The following LUZP2 variants were observed in gnomAD, a reference collection of about 807,000 sequenced individuals.
LUZP2 encodes the protein leucine zipper protein 2.
A neutral mutation model predicts 51.6 loss-of-function variants in LUZP2; 52 were observed. The observed-to-expected ratio is 1.01, with a 90% CI of 0.81 to 1.27. LUZP2 has a LOEUF of 1.27. Among genes scored for constraint, LUZP2 ranks in the 50% most tolerant of loss-of-function variants. The pLI, the probability that LUZP2 is intolerant of heterozygous loss-of-function variation, is 0.00. For missense variants in LUZP2, 436 were observed against 395.4 expected (o/e 1.10, Z -0.87); for synonymous variants, 154 against 137.3 (o/e 1.12, Z -0.85).
At chr11:24,830,874 G>A (rs1204429793) in intron 5 of LUZP2, among the ~76,000 whole-genome samples, 2 of 151,920 alleles carry the variant, frequency 1.3e-5, no homozygotes, top group Admixed American at 1.3e-4. Flanking sequence ...GGCGCCTATA[G>A]TCCCAGCTAC....
At chr11:24,884,929 G>A (rs1428436532) in intron 5 of LUZP2, among the ~76,000 whole-genome samples, 1 of 152,046 alleles carries the variant, frequency 6.6e-6, no homozygotes, top group Middle Eastern at 3.4e-3. Context: ...TTGATTTTAG[G>A]GTGATTGCTA....
intron 5 of LUZP2, among the ~76,000 whole-genome samples, chr11:24,794,630 T>C (rs180906121): frequency 6.6e-6 from 1 of 152,282 alleles, no homozygotes; most frequent in East Asian, 1.9e-4. Flanking sequence ...AAATTGGTTA[T>C]GGATTAAAAT....
intron 7 of LUZP2, among the ~76,000 whole-genome samples, chr11:24,930,002 C>G (rs75555490): frequency 0.012 from 1,773 of 152,228 alleles, 40 homozygotes; most frequent in African/African-American, 0.039. Flanking sequence ...CGACTTTTTT[C>G]ACTGCTGCTA....
Position 24,646,327 on chromosome 11 carries a change from AAG to A in LUZP2, c.63-82837_63-82836del, listed in dbSNP as rs559096475. Among the ~76,000 whole-genome samples the A allele has an allele frequency of 2.5e-3, 383 of 152,242 alleles. 2 individuals are homozygous for A. Among genetic ancestry groups the A allele is most frequent in the African/African-American group, 8.9e-3 (369 of 41,556 alleles). On this transcript the variant is annotated intron_variant, in intron 1 of 11. Transcript: ENST00000336930. Reference sequence around the variant, plus strand: ...ACAGTTTTATTATTGTTCAAAATATAAGAGAGTTTTAAATTTAATATCAAAGA... The same window carrying A: ...ACAGTTTTATTATTGTTCAAAATATAAGAGTTTTAAATTTAATATCAAAGA...
At chr11:24,979,004 T>C (rs1428630406) in intron 8 of LUZP2, among the ~76,000 whole-genome samples, 1 of 151,756 alleles carries the variant, frequency 6.6e-6, no homozygotes, top group African/African-American at 2.4e-5. Context: ...GATAGTCTAC[T>C]TATGTTCAAA....
chr11:24,937,885 G>A (rs7110765), intron 7 of LUZP2, among the ~76,000 whole-genome samples: 84,277 of 148,720 alleles, frequency 0.57, 24,752 homozygotes, highest in East Asian at 0.83. Context: ...TGGGCGACAG[G>A]GCAAGATTCC....
chr11:24,939,768 G>T (rs1365395737), intron 7 of LUZP2, among the ~76,000 whole-genome samples: 2 of 152,124 alleles, frequency 1.3e-5, no homozygotes, highest in Non-Finnish European at 2.9e-5. Context: ...GTCAATGATG[G>T]TGATATTAAC....
intron 5 of LUZP2, among the ~76,000 whole-genome samples, chr11:24,879,152 GCCA>G (rs1027059040): frequency 3.3e-5 from 5 of 151,902 alleles, no homozygotes; most frequent in African/African-American, 1.2e-4. Flanking sequence ...CACTGTGTTA[GCCA>G]GGATGGTCTT....
At chr11:25,076,574 G>A (rs1039463125) in intron 10 of LUZP2, among the ~76,000 whole-genome samples, 31 of 147,386 alleles carry the variant, frequency 2.1e-4, no homozygotes, top group African/African-American at 7.0e-4. Context: ...GAAGGAGGAA[G>A]GGAGGGAGGA....
chr11:25,030,939 T>TATATATATATA (rs1565254666), intron 9 of LUZP2, among the ~76,000 whole-genome samples: 17 of 20,898 alleles, frequency 8.1e-4, no homozygotes, highest in African/African-American at 1.6e-3. Flanking sequence ...TAATATATAT[T>TATATATATATA]ATATATATTA....
chr11:24,602,711 A>T (rs1415074895), intron 1 of LUZP2, among the ~76,000 whole-genome samples: 1 of 151,660 alleles, frequency 6.6e-6, no homozygotes, highest in East Asian at 1.9e-4. Context: ...TTATATTATT[A>T]TTGAAAACGC....
chr11:24,580,440 T>C (rs1467023488), intron 1 of LUZP2, among the ~76,000 whole-genome samples: 1 of 152,116 alleles, frequency 6.6e-6, no homozygotes, highest in East Asian at 1.9e-4. Flanking sequence ...CTGTGATAAA[T>C]GCACTGTATT....
chr11:24,538,557 T>A (rs946963378), intron 1 of LUZP2, among the ~76,000 whole-genome samples: 2 of 151,642 alleles, frequency 1.3e-5, no homozygotes, highest in African/African-American at 4.8e-5. Flanking sequence ...TTTAATAAAG[T>A]TGTTAGGTAG....
At chr11:24,652,334 G>A (rs557855147) in intron 1 of LUZP2, among the ~76,000 whole-genome samples, 199 of 152,162 alleles carry the variant, frequency 1.3e-3, no homozygotes, top group Non-Finnish European at 2.4e-3. Flanking sequence ...AAGAAGATAC[G>A]TGTTAAAATA....
At chr11:24,921,018 A>G (rs908849930) in intron 7 of LUZP2, among the ~76,000 whole-genome samples, 6 of 152,154 alleles carry the variant, frequency 3.9e-5, no homozygotes, top group Non-Finnish European at 5.9e-5. Context: ...TAAAAATACA[A>G]TATTTACATA....
At chr11:24,520,434 G>A (rs564936078) in intron 1 of LUZP2, among the ~76,000 whole-genome samples, 1 of 152,276 alleles carries the variant, frequency 6.6e-6, no homozygotes, top group African/African-American at 2.4e-5. Context: ...TGTGATTTCT[G>A]TTTTTCTGTC....
chr11:24,819,813 A>C (rs1356091654), intron 5 of LUZP2, among the ~76,000 whole-genome samples: 1 of 152,116 alleles, frequency 6.6e-6, no homozygotes, highest in Non-Finnish European at 1.5e-5. Context: ...TAAGTTTTAC[A>C]GTTGTGTACA....
intron 8 of LUZP2, among the ~76,000 whole-genome samples, chr11:24,980,353 A>T (rs1006845096): frequency 1.3e-5 from 2 of 151,772 alleles, no homozygotes; most frequent in African/African-American, 4.8e-5. Context: ...CCATCTTAAG[A>T]TCACATATGA....
chr11:24,995,154 C>T (rs970019826), intron 9 of LUZP2, among the ~76,000 whole-genome samples: 1 of 152,044 alleles, frequency 6.6e-6, no homozygotes, highest in African/African-American at 2.4e-5. Context: ...TTTTGGAGGC[C>T]GAGGCAGGTG....
Sources: gnomAD v4.1 joint callset for allele counts (sites outside exome capture counted in the v4.1 genomes callset) on GRCh38, gnomAD v4.1.1 for gene constraint, MANE v1.5 for transcripts, NCBI Gene and HGNC (gene_info 2026-07-23, HGNC 2026-07-21) for gene names.